The following LMO7 variants were observed in gnomAD, a reference collection of about 807,000 sequenced individuals.
LMO7 encodes LIM domain 7.
In LMO7, 120 loss-of-function variants were observed where a neutral mutation model predicts 206.5. The observed-to-expected ratio is 0.58, with a 90% CI of 0.50 to 0.68. The LOEUF (loss-of-function observed/expected upper bound fraction) is 0.68. Among genes scored for constraint, LMO7 ranks in the 30% least tolerant of loss-of-function variants. The pLI is 0.00. For synonymous variants in LMO7, 706 were observed against 681.5 expected, an observed-to-expected ratio of 1.04 and a Z score of -0.56; for missense variants, 1,959 against 1,957.9, an observed-to-expected ratio of 1.00 and a Z score of -0.01.
At chr13:75,834,469 A>C in intron 17 of LMO7, 82 bp downstream of exon 17, 1 of 1,068,736 alleles carries the variant, frequency 9.4e-7, no homozygotes, top group East Asian at 2.7e-5. Context: ...TTGCTTCAAT[A>C]ACTTTTTATT....
chr13:75,667,840 C>G (rs1205180290), intron 1 of LMO7, among the ~76,000 whole-genome samples: 1 of 152,168 alleles, frequency 6.6e-6, no homozygotes, highest in Non-Finnish European at 1.5e-5. Context: ...ATATCCTGGA[C>G]ATTATAAATG....
At position 75,798,565 on chromosome 13, in the gene LMO7, G is replaced by T. The variant is rs111302228; in HGVS notation, c.462+1816G>T. Among the ~76,000 whole-genome samples the T allele has an allele frequency of 5.3e-3, 812 of 152,290 alleles. 16 individuals carry two copies. The highest frequency in any genetic ancestry group is 0.047 in the East Asian group (242 of 5,182). ...AGACCTTATGGTGTATAAAACTAAG[G>T]TTGTGGTTCCATTCCATTATAATAA... is the stretch of plus-strand genomic sequence containing the variant. On this transcript the variant is annotated intron_variant, in intron 6 of 30. Coordinates refer to ENST00000377534, the MANE Select transcript of LMO7 (RefSeq NM_001306080.2).
At chr13:75,713,279 A>T in intron 2 of LMO7, 27 bp downstream of exon 2, 1 of 1,546,892 alleles carries the variant, frequency 6.5e-7, no homozygotes, top group South Asian at 1.1e-5. Context: ...TTTAAAAAAT[A>T]ATTCAAAAGC....
chr13:75,779,388 G>A (rs2050984091), intron 4 of LMO7, among the ~76,000 whole-genome samples: 1 of 152,064 alleles, frequency 6.6e-6, no homozygotes, highest in South Asian at 2.1e-4. Context: ...GGTTTTGCAA[G>A]ATATTCAAAC....
intron 1 of LMO7, among the ~76,000 whole-genome samples, chr13:75,640,288 C>G (rs1482436565): frequency 1.3e-5 from 2 of 152,114 alleles, no homozygotes; most frequent in Non-Finnish European, 2.9e-5. Flanking sequence ...CTGTAGGTCT[C>G]AGTTTTTTCC....
intron 4 of LMO7, among the ~76,000 whole-genome samples, chr13:75,786,751 C>A (rs1189263985): frequency 6.6e-6 from 1 of 152,168 alleles, no homozygotes; most frequent in Admixed American, 6.5e-5. Flanking sequence ...TCTGTGCTGA[C>A]AACTCCACTA....
At position 75,784,070 on chromosome 13, in the gene LMO7, G is replaced by A. The variant is rs964369641; in HGVS notation, c.318-11331G>A. On this transcript the variant is annotated intron_variant, in intron 4 of 30. Transcript: ENST00000377534. ...CCCATGACATTTGACAATATCTGGA[G>A]ACATTTCTGATTTTCATGCCTGGGG... 8.5e-5 allele frequency among the ~76,000 whole-genome samples: 13 copies of A among 152,186 alleles called. No homozygotes were observed. In the East Asian group the frequency reaches 2.1e-3, roughly 25 times the overall value.
rs527507774 is a variant in LMO7, at chr13:75,809,344, T to A, written c.1946+161T>A. On this transcript the variant is annotated intron_variant, in intron 11 of 30. Coordinates refer to ENST00000377534, the MANE Select transcript of LMO7 (RefSeq NM_001306080.2). ...TTATCTTGCAACCTAATGGTAATATTTCTGTGTCTTGGTGCCCAGTGCAAG... is the reference window on the plus strand; with the variant it reads ...TTATCTTGCAACCTAATGGTAATATATCTGTGTCTTGGTGCCCAGTGCAAG... Among the ~76,000 whole-genome samples the A allele has an allele frequency of 2.0e-4, 30 of 152,350 alleles. No individual in the cohort carries two copies. The South Asian group carries it at 6.2e-3, about 32-fold the overall frequency.
intron 4 of LMO7, among the ~76,000 whole-genome samples, chr13:75,776,088 G>A (rs1420760730): frequency 7.9e-5 from 7 of 88,192 alleles, no homozygotes; most frequent in Non-Finnish European, 1.4e-4. Flanking sequence ...ATAAAGAAAT[G>A]TTGTGGATAT....
intron 28 of LMO7, 152 bp from the exon 29 acceptor site, chr13:75,855,085 GTTAGAGTATAATCAAGGCACTCT>G: frequency 1.9e-6 from 1 of 530,108 alleles, no homozygotes; most frequent in East Asian, 2.9e-5. Flanking sequence ...ATGGTTCAAA[GTTAGAGTATAATCAAGGCACTCT>G]TTAGTTGGCT....
intron 1 of LMO7, among the ~76,000 whole-genome samples, chr13:75,682,085 G>A (rs1187560737): frequency 6.6e-6 from 1 of 152,120 alleles, no homozygotes; most frequent in Non-Finnish European, 1.5e-5. Flanking sequence ...TGGCCACAAT[G>A]TTCTGCATTC....
At chr13:75,654,693 T>C (rs745827948) in intron 1 of LMO7, among the ~76,000 whole-genome samples, 23 of 152,154 alleles carry the variant, frequency 1.5e-4, no homozygotes, top group Non-Finnish European at 3.2e-4. Context: ...TTCTTTGTGA[T>C]TTTCCTTACT....
At chr13:75,855,707 A>ATGCAGTTAT (rs760616421) in intron 29 of LMO7, among the ~76,000 whole-genome samples, 2 of 152,252 alleles carry the variant, frequency 1.3e-5, no homozygotes, top group South Asian at 4.1e-4. Context: ...GGGCAGGGAC[A>ATGCAGTTAT]CATGCAGTTA....
intron 4 of LMO7, among the ~76,000 whole-genome samples, chr13:75,777,738 C>T (rs2050712421): frequency 6.6e-6 from 1 of 151,534 alleles, no homozygotes; most frequent in South Asian, 2.1e-4. Flanking sequence ...CTCCGCCTCC[C>T]GGGTTCATGC....
intron 1 of LMO7, among the ~76,000 whole-genome samples, chr13:75,676,337 A>G (rs966141776): frequency 6.6e-6 from 1 of 152,224 alleles, no homozygotes; most frequent in East Asian, 1.9e-4. Context: ...TATGATTGTT[A>G]ATATAACTAT....
chr13:75,760,359 T>G, intron 3 of LMO7: 2 of 1,008,634 alleles, frequency 2.0e-6, no homozygotes, highest in East Asian at 9.7e-5. Context: ...AACACTAGGT[T>G]TCTCCTCAGT....
chr13:75,701,741 A>G (rs1213637244), intron 1 of LMO7, among the ~76,000 whole-genome samples: 1 of 152,212 alleles, frequency 6.6e-6, no homozygotes, highest in African/African-American at 2.4e-5. Flanking sequence ...ACCTGTGTTT[A>G]TAGACAAAAT....
intron 4 of LMO7, among the ~76,000 whole-genome samples, chr13:75,787,763 G>T (rs903678610): frequency 3.9e-5 from 6 of 152,208 alleles, no homozygotes; most frequent in African/African-American, 1.2e-4. Flanking sequence ...TCACTGGGAG[G>T]TTGTCAAATG....
chr13:75,630,202 T>TA (rs2034729569), intron 2 of LMO7, among the ~76,000 whole-genome samples: 2 of 152,222 alleles, frequency 1.3e-5, no homozygotes, highest in Admixed American at 1.3e-4. Context: ...TTGTTTCCCT[T>TA]ACTCCCTACA....
Sources: gnomAD v4.1 joint callset for allele counts (sites outside exome capture counted in the v4.1 genomes callset) on GRCh38, gnomAD v4.1.1 for gene constraint, MANE v1.5 for transcripts, NCBI Gene and HGNC (gene_info 2026-07-23, HGNC 2026-07-21) for gene names.